Variants in GTPBP2 observed in about 807,000 individuals in gnomAD.
The protein encoded by GTPBP2 is GTP binding protein 2.
Under a neutral mutation model 63.0 loss-of-function variants are expected in GTPBP2, and 32 were observed. The ratio of observed to expected loss-of-function variants is 0.51; its 90% CI spans 0.38 to 0.68. The LOEUF (loss-of-function observed/expected upper bound fraction) is 0.68, where lower values mean the gene tolerates loss of function less well. GTPBP2 is among the 30% of genes least tolerant of loss of function. GTPBP2 has a pLI of 0.00. For missense variants in GTPBP2, 492 were observed against 796.9 expected (o/e 0.62, Z 4.61); for synonymous variants, 310 against 322.6 (o/e 0.96, Z 0.42).
In GTPBP2 at chr6:43,625,450, G is replaced by T. The variant is rs1273667056; in HGVS notation, c.618C>A (p.Leu206=). 5 of 1,614,086 alleles carry T rather than the reference G, an allele frequency of 3.1e-6. No homozygotes were observed. Among genetic ancestry groups the T allele is most frequent in the Non-Finnish European group, 4.2e-6 (5 of 1,180,002 alleles). The change falls in exon 5 of 12, where the codon CTC becomes CTA. Residue 206 remains leucine (L), a synonymous_variant. Coordinates refer to ENST00000307126, the MANE Select transcript of GTPBP2 (RefSeq NM_019096.5). The surrounding 1 kb of genome is among the most constrained non-coding windows in gnomAD (Gnocchi z 5.1). ...TCTCATGCAGGTGGCGGAAAAGGTT[G>T]AGCCGAGCCCGGCCCCGCCCATTGT... ...ELDNGRGRAR[L]NLFRHLHEIQ...
rs1017571802 is a variant in GTPBP2, at chr6:43,624,544, C to T, written c.1066G>A (p.Val356Ile). ...TGAGCAAACTGCTGGGCAGCAGTGA[C>T]GGCATCATCCTCAGAGGTGACCAGC... ...PMLVTSEDDA[V>I]TAAQQFAQSP... is the part of the protein sequence containing the mutation. The change falls in exon 7 of 12, where the codon GTC becomes ATC. Residue 356 changes from valine to isoleucine, a missense_variant. Transcript: ENST00000307126. This position sits in a 1 kb window ranked among gnomAD's most constrained non-coding sequence, Gnocchi z 5.1. The T allele has an allele frequency of 2.5e-6, 4 of 1,613,994 alleles. No individual in the cohort carries two copies. Among genetic ancestry groups the T allele is most frequent in the African/African-American group, 1.3e-5 (1 of 75,042 alleles).
rs1309655216 is a variant in GTPBP2 at position 43,621,123 on chromosome 6, A to G, written c.*491T>C. On this transcript the variant is annotated 3_prime_UTR_variant, in exon 12 of 12. Transcript: ENST00000307126. ...TTTCTTCAGACTCTGGGCCGCCACCACCACCAGATGGCCAAGAGCAGATAA... is the reference window on the plus strand; with the variant it reads ...TTTCTTCAGACTCTGGGCCGCCACCGCCACCAGATGGCCAAGAGCAGATAA... The G allele has an allele frequency of 3.2e-6, 1 of 311,108 alleles. No individual in the cohort carries two copies. The highest frequency in any genetic ancestry group is 2.2e-5 in the African/African-American group (1 of 46,204). The allele number at this position is 311,108 out of a possible 1,614,324, so 19.3% of individuals were successfully genotyped here. A position where few individuals can be genotyped will look rare whatever the true frequency, so the allele number is the denominator to read the frequency against.
intron 9 of GTPBP2, chr6:43,623,406 GA>G (rs1430433176): frequency 1.0e-5 from 3 of 296,430 alleles, no homozygotes; most frequent in Admixed American, 9.5e-5. Flanking sequence ...AAGAAAGAAA[GA>G]AAGAAAGAAG....
Position 43,629,255 on chromosome 6 carries a change from T to A in GTPBP2, c.-93A>T. ...CTGCCACTGCCGTGTCCGGCCGGCC[T>A]GAGCAGAGTGGGGTGGGGCTCTGCA... On this transcript the variant is annotated 5_prime_UTR_variant, in exon 1 of 12. Transcript: ENST00000307126. The A allele has an allele frequency of 1.1e-6, 1 of 939,448 alleles. No homozygotes were observed. Among genetic ancestry groups the A allele is most frequent in the Non-Finnish European group, 1.4e-6 (1 of 699,032 alleles). The allele number at this position is 939,448 out of a possible 1,614,324, so 58.2% of individuals were successfully genotyped here.
In GTPBP2 at chr6:43,629,260, A is replaced by G. The variant is rs1274563401; in HGVS notation, c.-98T>C. ...ACTGCCGTGTCCGGCCGGCCTGAGC[A>G]GAGTGGGGTGGGGCTCTGCACAAGC... is the stretch of plus-strand genomic sequence containing the variant. On this transcript the variant is annotated 5_prime_UTR_variant, in exon 1 of 12. Transcript: ENST00000307126. 5.5e-6 allele frequency: 5 copies of G among 910,126 alleles called. No homozygotes were observed. In the Admixed American group the frequency reaches 2.0e-4, roughly 37 times the overall value. 56.4% of individuals were successfully genotyped at this position (910,126 alleles called of 1,614,324 possible).
In GTPBP2 at chr6:43,622,063, C is replaced by T. The variant is rs773412370; in HGVS notation, c.1572G>A (p.Gln524=). The change falls in exon 11 of 12, where the codon CAG becomes CAA. Residue 524 remains glutamine, a synonymous_variant. Coordinates refer to ENST00000307126, the MANE Select transcript of GTPBP2 (RefSeq NM_019096.5). The surrounding 1 kb of genome is among the most constrained non-coding windows in gnomAD (Gnocchi z 5.4). ...FHATTFRRGF[Q]VTVHVGNVRQ... is the part of the protein sequence containing the mutation. ...GTACGTTGCCCACGTGTACTGTCAC[C>T]TGGAATCCTCGTCGGAAGGTGGTGG... is the stretch of plus-strand genomic sequence containing the variant. The T allele has an allele frequency of 8.1e-6, 13 of 1,614,044 alleles. No homozygotes were observed. Among genetic ancestry groups the T allele is most frequent in the Non-Finnish European group, 1.1e-5 (13 of 1,179,996 alleles).
intron 1 of GTPBP2, chr6:43,627,174 T>A: frequency 1.4e-6 from 1 of 737,224 alleles, no homozygotes; most frequent in Non-Finnish European, 1.9e-6. Context: ...GTCACCCATT[T>A]AAGCCAGGAA....
Position 43,621,489 on chromosome 6 carries a change from T to G in GTPBP2, c.*125A>C. 6.4e-7 allele frequency: 1 copy of G among 1,560,010 alleles called. No homozygotes were observed. Among genetic ancestry groups the G allele is most frequent in the Non-Finnish European group, 8.7e-7 (1 of 1,151,746 alleles). On this transcript the variant is annotated 3_prime_UTR_variant, in exon 12 of 12. Transcript: ENST00000307126. ...CTCCAGAAAGTTGGCAGGGAGCAAG[T>G]GGCAGACAGCACCCCTCTCTCCCTA...
chr6:43,623,522 T>C (rs780231896), intron 9 of GTPBP2: 2 of 586,628 alleles, frequency 3.4e-6, no homozygotes, highest in Non-Finnish European at 6.1e-6. Flanking sequence ...CTCAGGGGCC[T>C]GGAGATTCCC....
In GTPBP2 at chr6:43,629,212, C is replaced by CCGT. The variant is rs1223435825; in HGVS notation, c.-53_-51dup. 1.9e-4 allele frequency: 231 copies of CCGT among 1,244,630 alleles called. 1 individual carries two copies. The African/African-American group carries it at 3.1e-3, about 17-fold the overall frequency. 77.1% of individuals were successfully genotyped at this position (1,244,630 alleles called of 1,614,324 possible). ...CCGGCCCCTCCCCCGACCGCCGCCGCCGTCGCCGCCGCCCTTACTGCCACT... is the reference window on the plus strand; with the variant it reads ...CCGGCCCCTCCCCCGACCGCCGCCGCCGTCGTCGCCGCCGCCCTTACTGCCACT... On this transcript the variant is annotated 5_prime_UTR_variant, in exon 1 of 12. Transcript: ENST00000307126.
At chr6:43,628,256 C>T (rs1327268370) in intron 1 of GTPBP2, among the ~76,000 whole-genome samples, 1 of 151,818 alleles carries the variant, frequency 6.6e-6, no homozygotes, top group Non-Finnish European at 1.5e-5. Flanking sequence ...GCCAGCTACT[C>T]GGGAGGCTGC....
chr6:43,629,789 A>G, upstream of GTPBP2: 1 of 1,564,022 alleles, frequency 6.4e-7, no homozygotes, highest in East Asian at 2.4e-5. Flanking sequence ...GGCGAACGCC[A>G]GGGCGGAGGC....
At chr6:43,628,728 G>A (rs1189538935) in intron 1 of GTPBP2, 4 of 737,516 alleles carry the variant, frequency 5.4e-6, no homozygotes, top group Admixed American at 1.9e-5. Context: ...CTCTCCTGGG[G>A]TAATCTAGAT....
Position 43,625,102 on chromosome 6 carries a change from C to T in GTPBP2, c.706-40G>A, listed in dbSNP as rs201318211. The T allele has an allele frequency of 6.1e-5, 96 of 1,586,286 alleles. No individual in the cohort carries two copies. In the African/African-American group the frequency reaches 9.4e-4, roughly 16 times the overall value. On this transcript the variant is annotated intron_variant, in intron 5 of 11. Coordinates refer to ENST00000307126, the MANE Select transcript of GTPBP2 (RefSeq NM_019096.5). This position sits in a 1 kb window ranked among gnomAD's most constrained non-coding sequence, Gnocchi z 5.1. ...AGGGCCCTCAGTGCCTCCTGCCAGC[C>T]CTTCCAACCCCTTCAGAGTTGCCAG...
At position 43,624,218 on chromosome 6, in the gene GTPBP2, G is replaced by A. The variant is rs956678957; in HGVS notation, c.1101-150C>T. On this transcript the variant is annotated intron_variant, in intron 7 of 11. Transcript: ENST00000307126. The surrounding 1 kb of genome is among the most constrained non-coding windows in gnomAD (Gnocchi z 5.1). ...GCTCAGGAACTCTGGGCCTTCTTGT[G>A]AGCCAGTCGAGCAATGTCACACAAA... 2.5e-5 allele frequency: 17 copies of A among 686,816 alleles called. No homozygotes were observed. The highest frequency in any genetic ancestry group is 2.7e-5 in the Non-Finnish European group (11 of 413,242). 42.5% of individuals were successfully genotyped at this position (686,816 alleles called of 1,614,324 possible). A position where few individuals can be genotyped will look rare whatever the true frequency, so the allele number is the denominator to read the frequency against.
chr6:43,621,518 T>C lies in GTPBP2; in HGVS notation c.*96A>G, dbSNP rs530320800. On this transcript the variant is annotated 3_prime_UTR_variant, in exon 12 of 12. Coordinates refer to ENST00000307126, the MANE Select transcript of GTPBP2 (RefSeq NM_019096.5). ...AGACAGCACCCCTCTCTCCCTAGCC[T>C]ATTAACACACAGAGCCGCCAATGGC... is the stretch of plus-strand genomic sequence containing the variant. The C allele has an allele frequency of 6.3e-7, 1 of 1,593,080 alleles. No homozygotes were observed. Among genetic ancestry groups the C allele is most frequent in the East Asian group, 2.3e-5 (1 of 43,984 alleles).
chr6:43,628,534 C>T (rs1769610750), intron 1 of GTPBP2: 2 of 973,324 alleles, frequency 2.1e-6, no homozygotes, highest in Non-Finnish European at 2.4e-6. Context: ...TTCCCGAGTA[C>T]TGTGTGTGTG....
chr6:43,622,785 C>A lies in GTPBP2; in HGVS notation c.1315G>T (p.Asp439Tyr), dbSNP rs1768891801. 1.2e-6 allele frequency: 2 copies of A among 1,613,644 alleles called. No individual in the cohort carries two copies. Among genetic ancestry groups the A allele is most frequent in the Non-Finnish European group, 1.7e-6 (2 of 1,179,670 alleles). ...TCCGTGGGGCCCACCACCAGCTGGTCCCCCTCACGGCAAATCCCACTGCAG... is the reference window on the plus strand; with the variant it reads ...TCCGTGGGGCCCACCACCAGCTGGTACCCCTCACGGCAAATCCCACTGCAG... ...TLSSGICREG[D>Y]QLVVGPTDDG... The change falls in exon 10 of 12, where the codon GAC becomes TAC. Residue 439 changes from aspartate to tyrosine, a missense_variant. By Grantham distance (160) the Asp-to-Tyr change is radical (BLOSUM62 -3). Coordinates refer to ENST00000307126, the MANE Select transcript of GTPBP2 (RefSeq NM_019096.5). This position sits in a 1 kb window ranked among gnomAD's most constrained non-coding sequence, Gnocchi z 5.4.
Position 43,621,743 on chromosome 6 carries a change from C to T in GTPBP2, c.1680G>A (p.Leu560=). The T allele has an allele frequency of 6.2e-7, 1 of 1,614,194 alleles. No individual in the cohort carries two copies. The highest frequency in any genetic ancestry group is 8.5e-7 in the Non-Finnish European group (1 of 1,180,030). The change falls in exon 12 of 12, where the codon CTG becomes CTA. Residue 560 remains leucine (L), a synonymous_variant. Coordinates refer to ENST00000307126, the MANE Select transcript of GTPBP2 (RefSeq NM_019096.5). ...GEKAVVRFRF[L]KHPEYLKVGA... is the part of the protein sequence containing the mutation. ...CCACCTTCAGGTACTCTGGGTGTTT[C>T]AGGAAGCGGAAACGTACCACTGCCT...
Sources: gnomAD v4.1 joint callset for allele counts (sites outside exome capture counted in the v4.1 genomes callset) on GRCh38, gnomAD v4.1.1 for gene constraint, Gnocchi (gnomAD v3.1) non-coding constraint, MANE v1.5 for transcripts, NCBI Gene and HGNC (gene_info 2026-07-23, HGNC 2026-07-21) for gene names.